The following LRRC4C variants were observed in gnomAD, a reference collection of about 807,000 sequenced individuals.
LRRC4C encodes leucine-rich repeat-containing protein 4C.
In LRRC4C, 5 loss-of-function variants were observed where a neutral mutation model predicts 33.6. The ratio of observed to expected loss-of-function variants is 0.15; its 90% CI spans 0.08 to 0.31. The LOEUF (loss-of-function observed/expected upper bound fraction) is 0.31. Ranked by LOEUF, LRRC4C falls within the 10% of genes least tolerant of loss-of-function variation. The pLI is 1.00. For missense variants in LRRC4C, 560 were observed against 796.7 expected, an observed-to-expected ratio of 0.70 and a Z score of 3.58; for synonymous variants, 329 against 302.0, an observed-to-expected ratio of 1.09 and a Z score of -0.93.
chr11:41,157,168 T>C (rs1944269125), intron 1 of LRRC4C, among the ~76,000 whole-genome samples: 1 of 152,052 alleles, frequency 6.6e-6, no homozygotes, highest in Admixed American at 6.6e-5. Context: ...ATAAATTACC[T>C]AGTCTCAGGC....
At chr11:40,445,719 G>GA (rs1480660358) in intron 3 of LRRC4C, 1 of 152,178 alleles carries the variant, frequency 6.6e-6, no homozygotes, top group East Asian at 1.9e-4. Context: ...GCATTCCAGT[G>GA]AAAAATTTTT....
intron 1 of LRRC4C, among the ~76,000 whole-genome samples, chr11:41,408,283 A>T (rs542927145): frequency 1.6e-4 from 25 of 152,296 alleles, no homozygotes; most frequent in African/African-American, 4.3e-4. Context: ...GGCAAATTAC[A>T]CTGGGTTAAA....
At chr11:40,934,026 A>G (rs912853736) in intron 1 of LRRC4C, among the ~76,000 whole-genome samples, 2 of 152,202 alleles carry the variant, frequency 1.3e-5, no homozygotes, top group Non-Finnish European at 1.5e-5. Flanking sequence ...TTAACAAAGG[A>G]AAAAAGGCAT....
At chr11:40,822,378 G>A (rs941851310) in intron 2 of LRRC4C, among the ~76,000 whole-genome samples, 8 of 149,334 alleles carry the variant, frequency 5.4e-5, no homozygotes, top group African/African-American at 1.7e-4. Context: ...TCCATTATAT[G>A]TATAAACAAC....
At chr11:40,374,715 C>A (rs1299850399) in intron 3 of LRRC4C, among the ~76,000 whole-genome samples, 2 of 152,148 alleles carry the variant, frequency 1.3e-5, no homozygotes, top group Admixed American at 1.3e-4. Flanking sequence ...CTAATTCTAA[C>A]ATTCCTCTTC....
intron 4 of LRRC4C, among the ~76,000 whole-genome samples, chr11:40,280,463 G>T (rs948758581): frequency 2.0e-5 from 3 of 152,186 alleles, no homozygotes; most frequent in Non-Finnish European, 2.9e-5. Context: ...CTATGGCTCA[G>T]GTCTGCGACA....
chr11:40,635,042 C>T (rs1963833851), intron 3 of LRRC4C, among the ~76,000 whole-genome samples: 1 of 151,936 alleles, frequency 6.6e-6, no homozygotes, highest in South Asian at 2.1e-4. Context: ...CATGTTTACT[C>T]TTTGACTTAC....
At chr11:40,862,579 T>G (rs1315969943) in intron 2 of LRRC4C, among the ~76,000 whole-genome samples, 1 of 152,226 alleles carries the variant, frequency 6.6e-6, no homozygotes, top group African/African-American at 2.4e-5. Context: ...TTAAAATACT[T>G]GGGGATAGAA....
intron 3 of LRRC4C, among the ~76,000 whole-genome samples, chr11:40,638,770 G>GTT (rs34192633): frequency 0.04 from 5,537 of 138,808 alleles, 148 homozygotes; most frequent in Non-Finnish European, 0.056. Flanking sequence ...AATTGGTCGA[G>GTT]TTTTTTTTTT....
In LRRC4C at chr11:40,214,328, C is replaced by G. The variant is rs181634871; in HGVS notation, c.-96+27191G>C. ...ATTATATACCTGGGATCCATTCTTG[C>G]GAGACTGTCTTGTCTTGTCCCTACC... On this transcript the variant is annotated intron_variant, in intron 5 of 6. Coordinates refer to ENST00000528697, the MANE Select transcript of LRRC4C (RefSeq NM_001258419.2). Among the ~76,000 whole-genome samples the G allele has an allele frequency of 1.7e-3, 266 of 152,188 alleles. 2 individuals are homozygous for G. The highest frequency in any genetic ancestry group is 3.2e-3 in the Non-Finnish European group (216 of 68,024).
intron 5 of LRRC4C, among the ~76,000 whole-genome samples, chr11:40,223,494 A>C (rs1487989388): frequency 6.6e-6 from 1 of 152,228 alleles, no homozygotes; most frequent in African/African-American, 2.4e-5. Flanking sequence ...CAGGATAAAA[A>C]GACACTGCAG....
chr11:40,324,258 T>C (rs1220869033), intron 3 of LRRC4C, among the ~76,000 whole-genome samples: 2 of 152,254 alleles, frequency 1.3e-5, no homozygotes, highest in Non-Finnish European at 2.9e-5. Flanking sequence ...GCAAGCTTGA[T>C]TCTAAAAGTA....
At chr11:41,200,298 G>T (rs1946352604) in intron 1 of LRRC4C, among the ~76,000 whole-genome samples, 2 of 151,988 alleles carry the variant, frequency 1.3e-5, no homozygotes, top group African/African-American at 4.8e-5. Context: ...TTCTGAAATG[G>T]GTTTAAATCA....
At position 40,974,681 on chromosome 11, in the gene LRRC4C, G is replaced by T. The variant is rs540091045; in HGVS notation, c.-495-40958C>A. 2.5e-3 allele frequency among the ~76,000 whole-genome samples: 379 copies of T among 152,332 alleles called. 2 individuals are homozygous for T. Among genetic ancestry groups the T allele is most frequent in the African/African-American group, 8.8e-3 (364 of 41,570 alleles). On this transcript the variant is annotated intron_variant, in intron 1 of 6. Transcript: ENST00000528697. ...TACACTTAGGTGTGTCTGAGAAGGT[G>T]TTTCCAGGGAACATTGCAAAGATTG...
Position 41,262,150 on chromosome 11 carries a change from G to T in LRRC4C, c.-496+197281C>A, listed in dbSNP as rs368174785. Among the ~76,000 whole-genome samples, 18 of 151,960 alleles carry T rather than the reference G, an allele frequency of 1.2e-4. No homozygotes were observed. In the East Asian group the frequency reaches 2.3e-3, roughly 20 times the overall value. On this transcript the variant is annotated intron_variant, in intron 1 of 6. Coordinates refer to ENST00000528697, the MANE Select transcript of LRRC4C (RefSeq NM_001258419.2). ...GCACTATTTGACCTTTTAACCTAAA[G>T]GCTGGCATACTATGGTCTTTGAGCC...
At chr11:40,943,716 G>A (rs1958259182) in intron 1 of LRRC4C, among the ~76,000 whole-genome samples, 1 of 152,152 alleles carries the variant, frequency 6.6e-6, no homozygotes, top group African/African-American at 2.4e-5. Flanking sequence ...TCTCCTGTCG[G>A]GAGAGTCTTT....
intron 1 of LRRC4C, among the ~76,000 whole-genome samples, chr11:41,227,304 A>C (rs2136432206): frequency 6.6e-6 from 1 of 152,158 alleles, no homozygotes; most frequent in East Asian, 1.9e-4. Context: ...AGCAGACGGA[A>C]CCTAAAGAAA....
intron 3 of LRRC4C, among the ~76,000 whole-genome samples, chr11:40,430,925 T>C (rs1391527996): frequency 2.9e-5 from 3 of 105,196 alleles, no homozygotes; most frequent in Non-Finnish European, 5.2e-5. Flanking sequence ...GGAAGGGGAA[T>C]ATCACACTCT....
chr11:40,777,308 ATT>A (rs1457599465), intron 2 of LRRC4C, among the ~76,000 whole-genome samples: 1 of 152,050 alleles, frequency 6.6e-6, no homozygotes, highest in African/African-American at 2.4e-5. Flanking sequence ...TTTGTCTAAT[ATT>A]GTCTGCGGGG....
Sources: gnomAD v4.1 joint callset for allele counts (sites outside exome capture counted in the v4.1 genomes callset) on GRCh38, gnomAD v4.1.1 for gene constraint, MANE v1.5 for transcripts, NCBI Gene and HGNC (gene_info 2026-07-23, HGNC 2026-07-21) for gene names.